Variants in COL24A1 observed in about 807,000 individuals in gnomAD.
COL24A1 encodes collagen alpha-1(XXIV) chain.
COL24A1 carries 224 observed loss-of-function variants against 253.9 expected under a neutral mutation model. The observed-to-expected ratio is 0.88, with a 90% CI of 0.79 to 0.99. The LOEUF is 0.99. Among genes scored for constraint, COL24A1 ranks in the 50% least tolerant of loss-of-function variants. COL24A1 has a pLI of 0.00. For missense variants in COL24A1, 2,131 were observed against 2,068.5 expected (o/e 1.03, Z -0.59); for synonymous variants, 685 against 673.7 (o/e 1.02, Z -0.26).
In COL24A1 at chr1:86,051,658, A is replaced by T. The variant is rs373474453; in HGVS notation, c.1852-1481T>A. ...TGCAATTTACACTGTGAGTCATTAA[A>T]AAAACTTAAGACACAGTTTTCATAT... On this transcript the variant is annotated intron_variant, in intron 10 of 59. Coordinates refer to ENST00000370571, the MANE Select transcript of COL24A1 (RefSeq NM_152890.7). Among the ~76,000 whole-genome samples the T allele has an allele frequency of 4.6e-5, 7 of 152,120 alleles. No homozygotes were observed. The East Asian group carries it at 7.7e-4, about 17-fold the overall frequency.
intron 18 of COL24A1, among the ~76,000 whole-genome samples, chr1:86,020,194 A>T: frequency 6.7e-6 from 1 of 149,734 alleles, no homozygotes; most frequent in Non-Finnish European, 1.5e-5. Flanking sequence ...CAGCCTCCTG[A>T]GGAGCTGGGA....
At position 85,778,023 on chromosome 1, in the gene COL24A1, CTCTATCTATCTA is replaced by C. The variant is rs71075864; in HGVS notation, c.4339-2326_4339-2315del. 8.4e-4 allele frequency among the ~76,000 whole-genome samples: 126 copies of C among 149,246 alleles called. 1 individual carries two copies. The highest frequency in any genetic ancestry group is 2.8e-3 in the African/African-American group (114 of 40,626). On this transcript the variant is annotated intron_variant, in intron 52 of 59. Transcript: ENST00000370571. ...GGTATATGTGTGTATATGTCTCTAT[CTCTATCTATCTA>C]TCTATCTATCTATCTATCTATCTAT...
intron 10 of COL24A1, among the ~76,000 whole-genome samples, chr1:86,056,741 C>A (rs1476277724): frequency 6.6e-6 from 1 of 151,588 alleles, no homozygotes; most frequent in African/African-American, 2.4e-5. Flanking sequence ...GTAGTCCCAG[C>A]TACTTGGAAG....
chr1:85,777,773 A>G (rs1427613574), intron 52 of COL24A1, among the ~76,000 whole-genome samples: 1 of 152,170 alleles, frequency 6.6e-6, no homozygotes, highest in Admixed American at 6.5e-5. Context: ...CCAGTGATCA[A>G]TGAGAGTACT....
At chr1:85,748,118 T>A (rs1041079449) in intron 55 of COL24A1, among the ~76,000 whole-genome samples, 1 of 152,256 alleles carries the variant, frequency 6.6e-6, no homozygotes, top group Non-Finnish European at 1.5e-5. Context: ...CTAATTTTTA[T>A]TTTTGCTTGA....
intron 7 of COL24A1, among the ~76,000 whole-genome samples, chr1:86,084,840 C>G (rs1283363321): frequency 6.6e-6 from 1 of 152,100 alleles, no homozygotes; most frequent in Non-Finnish European, 1.5e-5. Flanking sequence ...CTCAGCTTCC[C>G]CTACCATTAG....
At chr1:85,813,280 G>A (rs2101897486) in intron 47 of COL24A1, among the ~76,000 whole-genome samples, 1 of 152,104 alleles carries the variant, frequency 6.6e-6, no homozygotes, top group Admixed American at 6.5e-5. Context: ...GGAGGGGAAT[G>A]AGAGTGGGGA....
At chr1:85,934,666 C>G (rs746271874) in intron 24 of COL24A1, among the ~76,000 whole-genome samples, 20 of 152,270 alleles carry the variant, frequency 1.3e-4, no homozygotes, top group Admixed American at 7.2e-4. Context: ...CAGGAATGAG[C>G]AATCTATGGC....
At chr1:85,925,575 G>A (rs564062673) in intron 24 of COL24A1, among the ~76,000 whole-genome samples, 135 of 152,260 alleles carry the variant, frequency 8.9e-4, no homozygotes, top group African/African-American at 3.2e-3. Flanking sequence ...AATGGGGAAA[G>A]GATTCCCTAT....
intron 45 of COL24A1, among the ~76,000 whole-genome samples, chr1:85,819,269 C>T (rs951248821): frequency 6.6e-6 from 1 of 151,864 alleles, no homozygotes; most frequent in Non-Finnish European, 1.5e-5. Flanking sequence ...TTTCCTAACA[C>T]AATAAAAAAG....
intron 5 of COL24A1, among the ~76,000 whole-genome samples, chr1:86,106,410 T>A (rs1704985266): frequency 1.3e-5 from 2 of 152,162 alleles, no homozygotes; most frequent in South Asian, 4.1e-4. Context: ...CTATTGGCCC[T>A]GACTAAATTA....
intron 43 of COL24A1, among the ~76,000 whole-genome samples, chr1:85,827,283 A>T (rs1674498084): frequency 6.6e-6 from 1 of 151,442 alleles, no homozygotes; most frequent in Non-Finnish European, 1.5e-5. Flanking sequence ...AGCCCACTTG[A>T]TCATGGTGGA....
chr1:85,904,716 T>C (rs773378921), intron 28 of COL24A1, among the ~76,000 whole-genome samples: 5 of 152,176 alleles, frequency 3.3e-5, no homozygotes, highest in African/African-American at 9.6e-5. Context: ...TTTTCAGCTA[T>C]ATAAAAGGCA....
intron 3 of COL24A1, among the ~76,000 whole-genome samples, chr1:86,119,223 A>G (rs773828720): frequency 6.6e-6 from 1 of 152,184 alleles, no homozygotes; most frequent in Non-Finnish European, 1.5e-5. Context: ...AAACCACAAA[A>G]TATGAAGATT....
At chr1:85,999,721 A>G (rs1695216547) in intron 19 of COL24A1, among the ~76,000 whole-genome samples, 1 of 152,200 alleles carries the variant, frequency 6.6e-6, no homozygotes, top group South Asian at 2.1e-4. Context: ...ATCTCCTTGT[A>G]GATAATAGTT....
chr1:86,069,342 G>T (rs1309574353), intron 7 of COL24A1, among the ~76,000 whole-genome samples: 2 of 152,160 alleles, frequency 1.3e-5, no homozygotes, highest in Admixed American at 6.5e-5. Context: ...TGGACTAGTG[G>T]TGGTGGCCAC....
intron 5 of COL24A1, among the ~76,000 whole-genome samples, chr1:86,107,508 A>T (rs866375825): frequency 1.5e-4 from 22 of 145,066 alleles, no homozygotes; most frequent in Middle Eastern, 3.3e-3. Context: ...ACACAATGGT[A>T]ATTTATTTAT....
chr1:85,983,888 G>C (rs2100886476), intron 20 of COL24A1, among the ~76,000 whole-genome samples: 1 of 151,826 alleles, frequency 6.6e-6, no homozygotes, highest in Non-Finnish European at 1.5e-5. Flanking sequence ...ATCATCCCAG[G>C]ATATTCTTTT....
At chr1:85,772,504 A>G (rs917724096) in intron 53 of COL24A1, among the ~76,000 whole-genome samples, 8 of 152,046 alleles carry the variant, frequency 5.3e-5, no homozygotes, top group Admixed American at 2.0e-4. Flanking sequence ...AGACACATGC[A>G]CACGTATGTT....
Sources: gnomAD v4.1 joint callset for allele counts (sites outside exome capture counted in the v4.1 genomes callset) on GRCh38, gnomAD v4.1.1 for gene constraint, MANE v1.5 for transcripts, NCBI Gene and HGNC (gene_info 2026-07-23, HGNC 2026-07-21) for gene names.